ADAM10: variants seen among roughly 807,000 people sequenced by gnomAD.
The protein encoded by ADAM10 is ADAM metallopeptidase domain 10, also known as disintegrin and metalloproteinase domain-containing protein 10.
A neutral mutation model predicts 90.1 loss-of-function variants in ADAM10; 17 were observed. That is an observed-to-expected ratio of 0.19 (90% confidence interval 0.13 to 0.28). The LOEUF (loss-of-function observed/expected upper bound fraction) is 0.28. ADAM10 is among the 10% of genes least tolerant of loss of function. ADAM10 has a pLI of 1.00. For synonymous variants in ADAM10, 310 were observed against 298.6 expected (o/e 1.04, Z -0.40); for missense variants, 610 against 914.3 (o/e 0.67, Z 4.29).
chr15:58,688,947 G>A (rs1352009183), intron 2 of ADAM10, among the ~76,000 whole-genome samples: 7 of 145,974 alleles, frequency 4.8e-5, no homozygotes, highest in African/African-American at 1.3e-4. Context: ...CTATCAAACA[G>A]TAAATAAATA....
intron 7 of ADAM10, among the ~76,000 whole-genome samples, chr15:58,641,425 T>G (rs1333750446): frequency 5.3e-5 from 8 of 152,226 alleles, no homozygotes; most frequent in Non-Finnish European, 5.9e-5. Flanking sequence ...AACCCAAGAC[T>G]GTCAGTTCAG....
intron 1 of ADAM10, among the ~76,000 whole-genome samples, chr15:58,737,053 G>A (rs1366449422): frequency 2.6e-5 from 4 of 151,998 alleles, no homozygotes; most frequent in African/African-American, 9.7e-5. Flanking sequence ...ACATAACTTG[G>A]CCTCCTTGTC....
chr15:58,683,859 CAAAAAAAA>C (rs71425819), intron 2 of ADAM10, among the ~76,000 whole-genome samples: 29 of 67,248 alleles, frequency 4.3e-4, no homozygotes, highest in African/African-American at 9.4e-4. Context: ...GGCTCCATCT[CAAAAAAAA>C]AAAAAAAAAA....
In ADAM10 at chr15:58,589,388, G is replaced by C. The variant is rs535020808; in HGVS notation, c.*8159C>G. The C allele has an allele frequency of 6.6e-6, 1 of 152,154 alleles. No homozygotes were observed. The highest frequency in any genetic ancestry group is 2.4e-5 in the African/African-American group (1 of 41,414). 9.4% of individuals were successfully genotyped at this position (152,154 alleles called of 1,614,324 possible). A position where few individuals can be genotyped will look rare whatever the true frequency, so the allele number is the denominator to read the frequency against. On this transcript the variant is annotated 3_prime_UTR_variant, in exon 16 of 16. Coordinates refer to ENST00000260408, the MANE Select transcript of ADAM10 (RefSeq NM_001110.4). Reference sequence around the variant, plus strand: ...CTTTTACCGAAACTCCAAAACTCAGGTCCAGCTTTTCTCCTCTGGGAAGTC... The same window carrying C: ...CTTTTACCGAAACTCCAAAACTCAGCTCCAGCTTTTCTCCTCTGGGAAGTC...
chr15:58,712,686 AGCGGTGGTGG>A (rs1165952986), intron 2 of ADAM10, among the ~76,000 whole-genome samples: 2 of 148,880 alleles, frequency 1.3e-5, no homozygotes, highest in Non-Finnish European at 3.0e-5. Context: ...ATTAGCCGGG[AGCGGTGGTGG>A]GCGCCTCTAG....
At chr15:58,720,399 ATTTTATTTTT>A (rs1248492130) in intron 1 of ADAM10, among the ~76,000 whole-genome samples, 3,080 of 25,928 alleles carry the variant, frequency 0.12, 92 homozygotes, top group African/African-American at 0.2. Context: ...ATTTTATTTT[ATTTTATTTTT>A]TTTTTTTTTG....
chr15:58,705,597 AAAT>A (rs1898256950), intron 2 of ADAM10, among the ~76,000 whole-genome samples: 4 of 152,230 alleles, frequency 2.6e-5, no homozygotes, highest in Non-Finnish European at 5.9e-5. Flanking sequence ...CAAACCAGAC[AAAT>A]AATAGACATA....
At chr15:58,650,240 T>C (rs1184265567) in intron 5 of ADAM10, among the ~76,000 whole-genome samples, 1 of 152,198 alleles carries the variant, frequency 6.6e-6, no homozygotes, top group African/African-American at 2.4e-5. Flanking sequence ...GTTCATATAC[T>C]GGTTACATTG....
chr15:58,708,276 C>T (rs1199301924), intron 2 of ADAM10, among the ~76,000 whole-genome samples: 2 of 152,124 alleles, frequency 1.3e-5, no homozygotes, highest in East Asian at 1.9e-4. Flanking sequence ...ACAGTCTTTC[C>T]GTCACATCAA....
chr15:58,662,606 A>G (rs1446435210), intron 5 of ADAM10, among the ~76,000 whole-genome samples: 1 of 152,154 alleles, frequency 6.6e-6, no homozygotes, highest in Non-Finnish European at 1.5e-5. Flanking sequence ...TCAGCCTTCT[A>G]AAGTGCTGGG....
intron 2 of ADAM10, among the ~76,000 whole-genome samples, chr15:58,711,545 T>C (rs559870868): frequency 2.3e-4 from 35 of 152,230 alleles, no homozygotes; most frequent in Non-Finnish European, 4.6e-4. Context: ...CTCCAATACA[T>C]ATATAAAATC....
At chr15:58,741,680 G>C (rs527453868) in intron 1 of ADAM10, among the ~76,000 whole-genome samples, 6 of 152,090 alleles carry the variant, frequency 3.9e-5, no homozygotes, top group Non-Finnish European at 7.4e-5. Flanking sequence ...TTACTTTCAC[G>C]TTAAACATTT....
At chr15:58,721,363 A>G (rs1898845744) in intron 1 of ADAM10, among the ~76,000 whole-genome samples, 1 of 152,252 alleles carries the variant, frequency 6.6e-6, no homozygotes, top group Admixed American at 6.5e-5. Context: ...ATCATCTTCT[A>G]TATAAGACCT....
chr15:58,714,288 CACAT>C (rs1309203603), intron 2 of ADAM10, among the ~76,000 whole-genome samples: 1 of 101,234 alleles, frequency 9.9e-6, no homozygotes, highest in Non-Finnish European at 2.0e-5. Flanking sequence ...CTTATACATA[CACAT>C]ACACACACAC....
chr15:58,655,629 C>T (rs1221746398), intron 5 of ADAM10, among the ~76,000 whole-genome samples: 5 of 134,008 alleles, frequency 3.7e-5, no homozygotes, highest in African/African-American at 1.5e-4. Context: ...GTTGTTAAAT[C>T]CTCTTGCTGA....
chr15:58,732,935 A>G (rs1170820858), intron 1 of ADAM10: 1 of 152,874 alleles, frequency 6.5e-6, no homozygotes, highest in Admixed American at 6.5e-5. Flanking sequence ...CACAATTCCT[A>G]TCTTACAGCA....
At chr15:58,648,336 TAC>T (rs1157459551) in intron 5 of ADAM10, among the ~76,000 whole-genome samples, 1 of 152,208 alleles carries the variant, frequency 6.6e-6, no homozygotes, top group East Asian at 1.9e-4. Context: ...GGTCTCAGTT[TAC>T]ACAGTTTGTA....
At chr15:58,654,496 A>G (rs1311257939) in intron 5 of ADAM10, among the ~76,000 whole-genome samples, 2 of 152,144 alleles carry the variant, frequency 1.3e-5, no homozygotes, top group African/African-American at 4.8e-5. Context: ...CTCCTGCCTC[A>G]GCCTCCCAAG....
intron 2 of ADAM10, among the ~76,000 whole-genome samples, chr15:58,717,033 G>GA (rs1898683143): frequency 6.6e-6 from 1 of 152,058 alleles, no homozygotes; most frequent in Admixed American, 6.6e-5. Context: ...GATTAAACAA[G>GA]AAAATGCATA....
Sources: gnomAD v4.1 joint callset for allele counts (sites outside exome capture counted in the v4.1 genomes callset) on GRCh38, gnomAD v4.1.1 for gene constraint, MANE v1.5 for transcripts, NCBI Gene and HGNC (gene_info 2026-07-23, HGNC 2026-07-21) for gene names.